Variants in SMNDC1 observed in about 807,000 individuals in gnomAD.
The protein encoded by SMNDC1 is survival of motor neuron-related-splicing factor 30.
In SMNDC1, 5 loss-of-function variants were observed where a neutral mutation model predicts 29.2. The observed-to-expected ratio is 0.17, with a 90% confidence interval of 0.09 to 0.36. SMNDC1 has a LOEUF of 0.36. Ranked by LOEUF, SMNDC1 falls within the 10% of genes least tolerant of loss-of-function variation. The pLI, the probability that SMNDC1 is intolerant of heterozygous loss-of-function variation, is 1.00. For missense variants in SMNDC1, 142 were observed against 268.5 expected, an observed-to-expected ratio of 0.53 and a Z score of 3.29; for synonymous variants, 80 against 89.9, an observed-to-expected ratio of 0.89 and a Z score of 0.62.
chr10:110,300,393 T>C (rs1054852407), intron 2 of SMNDC1, among the ~76,000 whole-genome samples: 5 of 152,148 alleles, frequency 3.3e-5, no homozygotes, highest in African/African-American at 1.2e-4. Flanking sequence ...TCCAGAGCAT[T>C]TACTCCTAAT....
chr10:110,291,959 TTTCAAAGC>T lies in SMNDC1; in HGVS notation c.*2183_*2190del, dbSNP rs1857504501. ...TATTTAACATTTCAGTCTGTCACAGTTTCAAAGCTTCAAGTCTCCTTTCTTAATGGGGA... is the reference window on the plus strand; with the variant it reads ...TATTTAACATTTCAGTCTGTCACAGTTTCAAGTCTCCTTTCTTAATGGGGA... On this transcript the variant is annotated 3_prime_UTR_variant, in exon 6 of 6. Transcript: ENST00000369603. The T allele has an allele frequency of 6.6e-6, 1 of 152,198 alleles. No homozygotes were observed. Among genetic ancestry groups the T allele is most frequent in the Non-Finnish European group, 1.5e-5 (1 of 68,026 alleles). The allele number at this position is 152,198 out of a possible 1,614,324, so 9.4% of individuals were successfully genotyped here.
chr10:110,296,674 G>A (rs1336123107), intron 4 of SMNDC1, among the ~76,000 whole-genome samples: 1 of 152,090 alleles, frequency 6.6e-6, no homozygotes, highest in East Asian at 1.9e-4. Flanking sequence ...CCTACTGACA[G>A]TGATCATTCT....
chr10:110,295,984 G>C (rs1857557987), intron 4 of SMNDC1, among the ~76,000 whole-genome samples: 1 of 152,028 alleles, frequency 6.6e-6, no homozygotes, highest in African/African-American at 2.4e-5. Context: ...GCTGTTACCA[G>C]TTGTTTTAGG....
rs1857511982 is a variant in SMNDC1, at chr10:110,292,682, G to A, written c.*1468C>T. On this transcript the variant is annotated 3_prime_UTR_variant, in exon 6 of 6. Transcript: ENST00000369603. ...ACCCTGTGGCCACGAATTATATGAA[G>A]AAAAAGTGACCCTCCTGGGTTGAGA... The A allele has an allele frequency of 6.6e-6, 1 of 151,886 alleles. No homozygotes were observed. The highest frequency in any genetic ancestry group is 2.4e-5 in the African/African-American group (1 of 41,346). The allele number at this position is 151,886 out of a possible 1,614,324, so 9.4% of individuals were successfully genotyped here. A position where few individuals can be genotyped will look rare whatever the true frequency, so the allele number is the denominator to read the frequency against.
chr10:110,296,624 C>A (rs978689584), intron 4 of SMNDC1, among the ~76,000 whole-genome samples: 1 of 152,138 alleles, frequency 6.6e-6, no homozygotes. Context: ...TGGGTTCAGG[C>A]CATCATCTTA....
chr10:110,298,618 T>C (rs1359230624), intron 3 of SMNDC1, 30 bp downstream of exon 3: 1 of 1,565,530 alleles, frequency 6.4e-7, no homozygotes, highest in South Asian at 1.2e-5. Context: ...TATTTCATGT[T>C]ATAGTTAGAG....
chr10:110,299,393 A>G (rs781673433), intron 2 of SMNDC1, among the ~76,000 whole-genome samples: 13 of 152,238 alleles, frequency 8.5e-5, no homozygotes, highest in Non-Finnish European at 2.9e-5. Flanking sequence ...TAAATGTTCC[A>G]TACCTTAATG....
rs966653129 is a variant in SMNDC1 at position 110,293,052 on chromosome 10, A to G, written c.*1098T>C. On this transcript the variant is annotated 3_prime_UTR_variant, in exon 6 of 6. Coordinates refer to ENST00000369603, the MANE Select transcript of SMNDC1 (RefSeq NM_005871.4). ...TGTTAACACACCCTGGAGATTTTAAAAACACTTTATTTAATAAAAGTTAAA... is the reference window on the plus strand; with the variant it reads ...TGTTAACACACCCTGGAGATTTTAAGAACACTTTATTTAATAAAAGTTAAA... 6.6e-6 allele frequency: 1 copy of G among 152,220 alleles called. No homozygotes were observed. Among genetic ancestry groups the G allele is most frequent in the Non-Finnish European group, 1.5e-5 (1 of 68,028 alleles). The allele number at this position is 152,220 out of a possible 1,614,324, so 9.4% of individuals were successfully genotyped here.
chr10:110,299,723 A>C (rs536764054), intron 2 of SMNDC1, among the ~76,000 whole-genome samples: 1 of 152,356 alleles, frequency 6.6e-6, no homozygotes, highest in South Asian at 2.1e-4. Flanking sequence ...TAACAAAGTT[A>C]AACTATGTAC....
intron 2 of SMNDC1, chr10:110,300,781 A>G (rs1184246090): frequency 1.1e-6 from 1 of 912,582 alleles, no homozygotes; most frequent in African/African-American, 1.8e-5. Flanking sequence ...CTCCTTTAGA[A>G]CCAGCTTATT....
intron 1 of SMNDC1, 182 bp downstream of exon 1, chr10:110,304,560 ACGGAGG>A (rs1857713844): frequency 6.6e-6 from 1 of 152,146 alleles, no homozygotes; most frequent in African/African-American, 2.4e-5. Context: ...CCGCCGCCGC[ACGGAGG>A]CCAGCGCCGG....
At chr10:110,298,621 A>G (rs1358066076) in intron 3 of SMNDC1, 27 bp downstream of exon 3, 1 of 1,571,010 alleles carries the variant, frequency 6.4e-7, no homozygotes, top group Non-Finnish European at 8.7e-7. Flanking sequence ...TTCATGTTAT[A>G]GTTAGAGTTT....
Position 110,290,875 on chromosome 10 carries a change from A to AAG in SMNDC1, c.*3274_*3275insCT, listed in dbSNP as rs1298952036. The AAG allele has an allele frequency of 6.6e-6, 1 of 152,206 alleles. No individual in the cohort carries two copies. Among genetic ancestry groups the AAG allele is most frequent in the Non-Finnish European group, 1.5e-5 (1 of 68,038 alleles). 9.4% of individuals were successfully genotyped at this position (152,206 alleles called of 1,614,324 possible). A position where few individuals can be genotyped will look rare whatever the true frequency, so the allele number is the denominator to read the frequency against. The stretch of plus-strand genomic sequence containing the variant: ...AACTGGTAGTTTTTTATCTTATAAA[A>AAG]ATTGTAATTATAAAATTACAATCTA... On this transcript the variant is annotated 3_prime_UTR_variant, in exon 6 of 6. Transcript: ENST00000369603.
intron 5 of SMNDC1, among the ~76,000 whole-genome samples, chr10:110,294,526 C>G (rs1022313047): frequency 2.0e-4 from 31 of 152,174 alleles, no homozygotes; most frequent in African/African-American, 7.5e-4. Flanking sequence ...CACTTGCCTT[C>G]TGATACGTCA....
At chr10:110,301,826 T>C (rs1056887495) in intron 2 of SMNDC1, among the ~76,000 whole-genome samples, 18 of 152,226 alleles carry the variant, frequency 1.2e-4, no homozygotes, top group African/African-American at 9.7e-5. Flanking sequence ...ACAGTGTTTA[T>C]CACAATGGTT....
intron 2 of SMNDC1, among the ~76,000 whole-genome samples, chr10:110,299,858 T>C (rs957974683): frequency 6.6e-6 from 1 of 152,216 alleles, no homozygotes; most frequent in Non-Finnish European, 1.5e-5. Flanking sequence ...AAAAAACTAA[T>C]ATTTGAGTCT....
Position 110,291,644 on chromosome 10 carries a change from A to G in SMNDC1, c.*2506T>C, listed in dbSNP as rs1008280752. 1 of 152,262 alleles carries G rather than the reference A, an allele frequency of 6.6e-6. No individual in the cohort carries two copies. The highest frequency in any genetic ancestry group is 1.5e-5 in the Non-Finnish European group (1 of 68,050). 9.4% of individuals were successfully genotyped at this position (152,262 alleles called of 1,614,324 possible). ...AACAGATTTTTCCATTCTACAGCTGAGAAAAATGAATCAGAGGAATACACA... is the reference window on the plus strand; with the variant it reads ...AACAGATTTTTCCATTCTACAGCTGGGAAAAATGAATCAGAGGAATACACA... On this transcript the variant is annotated 3_prime_UTR_variant, in exon 6 of 6. Transcript: ENST00000369603.
chr10:110,299,554 A>T (rs1857615729), intron 2 of SMNDC1, among the ~76,000 whole-genome samples: 1 of 152,184 alleles, frequency 6.6e-6, no homozygotes, highest in African/African-American at 2.4e-5. Flanking sequence ...TGGCTAAAAA[A>T]TTGAGAACAG....
In SMNDC1 at chr10:110,293,218, C is replaced by T. The variant is rs868610527; in HGVS notation, c.*932G>A. Reference sequence around the variant, plus strand: ...CACTTACACCAACAAATGCAGACAACCTGATCTAATTAACAAAAATTACAA... The same window carrying T: ...CACTTACACCAACAAATGCAGACAATCTGATCTAATTAACAAAAATTACAA... On this transcript the variant is annotated 3_prime_UTR_variant, in exon 6 of 6. Coordinates refer to ENST00000369603, the MANE Select transcript of SMNDC1 (RefSeq NM_005871.4). The T allele has an allele frequency of 2.0e-5, 3 of 152,530 alleles. No individual in the cohort carries two copies. The highest frequency in any genetic ancestry group is 7.2e-5 in the African/African-American group (3 of 41,414). The allele number at this position is 152,530 out of a possible 1,614,324, so 9.4% of individuals were successfully genotyped here. A position where few individuals can be genotyped will look rare whatever the true frequency, so the allele number is the denominator to read the frequency against.
Sources: allele counts gnomAD v4.1 joint callset (sites outside exome capture counted in the v4.1 genomes callset), GRCh38; gene constraint gnomAD v4.1.1; transcripts MANE v1.5; gene names NCBI Gene and HGNC (gene_info 2026-07-23, HGNC 2026-07-21).